Variants in TTC29 observed in about 807,000 individuals in gnomAD.
TTC29 encodes tetratricopeptide repeat protein 29.
TTC29 carries 49 observed loss-of-function variants against 58.1 expected under a neutral mutation model. The observed-to-expected ratio is 0.84, with a 90% CI of 0.67 to 1.07. The LOEUF is 1.07. Among genes scored for constraint, TTC29 ranks in the 50% least tolerant of loss-of-function variants. The pLI, the probability that TTC29 is intolerant of heterozygous loss-of-function variation, is 0.00. For synonymous variants in TTC29, 209 were observed against 196.8 expected (o/e 1.06, Z -0.52); for missense variants, 582 against 555.6 (o/e 1.05, Z -0.48).
At chr4:146,860,731 T>G (rs924899934) in intron 8 of TTC29, among the ~76,000 whole-genome samples, 12 of 152,178 alleles carry the variant, frequency 7.9e-5, no homozygotes, top group African/African-American at 2.9e-4. Context: ...AGACTGCGGT[T>G]GACCACCACC....
intron 11 of TTC29, among the ~76,000 whole-genome samples, chr4:146,721,969 G>T (rs1743392407): frequency 6.6e-6 from 1 of 152,044 alleles, no homozygotes; most frequent in Non-Finnish European, 1.5e-5. Context: ...AAAGTTTCAG[G>T]ATACAAAATC....
chr4:146,846,931 A>G (rs1274011878), intron 8 of TTC29, among the ~76,000 whole-genome samples: 1 of 152,186 alleles, frequency 6.6e-6, no homozygotes, highest in East Asian at 1.9e-4. Flanking sequence ...ACCTCAGGCC[A>G]TTATTCTGAT....
chr4:146,782,783 CT>C (rs1748717672), intron 11 of TTC29, among the ~76,000 whole-genome samples: 1 of 151,952 alleles, frequency 6.6e-6, no homozygotes, highest in African/African-American at 2.4e-5. Context: ...GTAATTATTA[CT>C]TTACTATTGA....
chr4:146,926,462 G>GT (rs1011947484), intron 4 of TTC29, among the ~76,000 whole-genome samples: 30 of 151,194 alleles, frequency 2.0e-4, no homozygotes, highest in South Asian at 1.3e-3. Flanking sequence ...TAATACAAAG[G>GT]TTTTTTTTTG....
At chr4:146,812,096 T>C (rs1751064057) in intron 10 of TTC29, among the ~76,000 whole-genome samples, 1 of 152,044 alleles carries the variant, frequency 6.6e-6, no homozygotes, top group African/African-American at 2.4e-5. Context: ...TAAACTATAA[T>C]TGAGAAACAT....
At chr4:146,728,294 G>GA (rs112114848) in intron 11 of TTC29, among the ~76,000 whole-genome samples, 3,559 of 127,378 alleles carry the variant, frequency 0.028, 126 homozygotes, top group African/African-American at 0.092. Flanking sequence ...TCAAAAAAAA[G>GA]AAAAAAAAAA....
At chr4:146,760,108 T>G (rs1451326290) in intron 11 of TTC29, among the ~76,000 whole-genome samples, 1 of 152,090 alleles carries the variant, frequency 6.6e-6, no homozygotes, top group Non-Finnish European at 1.5e-5. Flanking sequence ...ACAAGATTAA[T>G]GTACACAAAT....
In TTC29 at chr4:146,777,457, A is replaced by G. The variant is rs988663502; in HGVS notation, c.1330+26000T>C. On this transcript the variant is annotated intron_variant, in intron 11 of 12. Transcript: ENST00000325106. ...TTTGTGTGTTCTGGACACATTTATT[A>G]GACAAAAATGTCTATGTTCTAATAA... Among the ~76,000 whole-genome samples the G allele has an allele frequency of 7.9e-5, 12 of 152,176 alleles. No individual in the cohort carries two copies. The South Asian group carries it at 2.1e-3, about 26-fold the overall frequency.
intron 6 of TTC29, among the ~76,000 whole-genome samples, chr4:146,881,479 G>A (rs1288998493): frequency 6.6e-6 from 1 of 152,056 alleles, no homozygotes; most frequent in Non-Finnish European, 1.5e-5. Flanking sequence ...TTAATCTAGA[G>A]CTACTGGACA....
chr4:146,867,763 G>C (rs1427477227), intron 7 of TTC29, among the ~76,000 whole-genome samples, 180 bp from the exon 8 acceptor site: 1 of 151,928 alleles, frequency 6.6e-6, no homozygotes, highest in Non-Finnish European at 1.5e-5. Context: ...AATTTACCTG[G>C]ATCATAGATA....
intron 7 of TTC29, among the ~76,000 whole-genome samples, chr4:146,870,623 C>A (rs1730868922): frequency 6.6e-6 from 1 of 151,464 alleles, no homozygotes; most frequent in East Asian, 1.9e-4. Flanking sequence ...AAGAAGAAAC[C>A]CTTAAATTAT....
intron 11 of TTC29, among the ~76,000 whole-genome samples, chr4:146,734,870 T>C (rs1046906579): frequency 6.6e-6 from 1 of 151,926 alleles, no homozygotes; most frequent in Non-Finnish European, 1.5e-5. Context: ...GGGTGGGGGT[T>C]GAGGAATATT....
At chr4:146,937,793 A>T (rs1056840869) in intron 3 of TTC29, 116 bp from the exon 4 acceptor site, 1 of 550,558 alleles carries the variant, frequency 1.8e-6, no homozygotes, top group African/African-American at 2.0e-5. Context: ...CATATGTAAT[A>T]AACGCAATAG....
chr4:146,708,567 A>C (rs1258059096), intron 11 of TTC29, among the ~76,000 whole-genome samples: 1 of 151,222 alleles, frequency 6.6e-6, no homozygotes, highest in Non-Finnish European at 1.5e-5. Context: ...TTGTTACTTA[A>C]CTTTAACTTT....
At chr4:146,845,919 G>T (rs1729139405) in intron 8 of TTC29, among the ~76,000 whole-genome samples, 1 of 152,164 alleles carries the variant, frequency 6.6e-6, no homozygotes, top group Non-Finnish European at 1.5e-5. Flanking sequence ...TAGTTAGACT[G>T]TAAGTGCCCT....
At chr4:146,938,268 T>C (rs567811878) in intron 3 of TTC29, among the ~76,000 whole-genome samples, 3 of 152,260 alleles carry the variant, frequency 2.0e-5, no homozygotes, top group Admixed American at 2.0e-4. Context: ...AAGCATGCTA[T>C]CAACCTCTCA....
At chr4:146,806,645 C>A (rs1579718537) in intron 10 of TTC29, among the ~76,000 whole-genome samples, 2 of 151,512 alleles carry the variant, frequency 1.3e-5, no homozygotes, top group South Asian at 4.2e-4. Context: ...CAAAGAAGGG[C>A]ACTACATAAT....
rs190843614 is a variant in TTC29 at position 146,893,549 on chromosome 4, C to T, written c.586+9995G>A. Among the ~76,000 whole-genome samples, 618 of 152,220 alleles carry T rather than the reference C, an allele frequency of 4.1e-3. 6 individuals are homozygous for T. Among genetic ancestry groups the T allele is most frequent in the African/African-American group, 0.013 (558 of 41,496 alleles). On this transcript the variant is annotated intron_variant, in intron 6 of 12. Transcript: ENST00000325106. ...AAATTAATTCAAGATGGATTAAAGA[C>T]TTAAATGTTAGACCTGAAACCATAA...
chr4:146,764,344 G>T (rs1747130092), intron 11 of TTC29, among the ~76,000 whole-genome samples: 1 of 151,966 alleles, frequency 6.6e-6, no homozygotes, highest in African/African-American at 2.4e-5. Context: ...CTAACCTCAA[G>T]GGGCTACTCG....
Sources: gnomAD v4.1 joint callset for allele counts (sites outside exome capture counted in the v4.1 genomes callset) on GRCh38, gnomAD v4.1.1 for gene constraint, MANE v1.5 for transcripts, NCBI Gene and HGNC (gene_info 2026-07-23, HGNC 2026-07-21) for gene names.